The following FAM78B variants were observed in gnomAD, a reference collection of about 807,000 sequenced individuals.
FAM78B encodes the protein protein FAM78B.
FAM78B carries 10 observed loss-of-function variants against 20.0 expected under a neutral mutation model. That is an observed-to-expected ratio of 0.50 (90% CI 0.31 to 0.85). The LOEUF (loss-of-function observed/expected upper bound fraction) is 0.85, where lower values mean the gene tolerates loss of function less well. Ranked by LOEUF, FAM78B falls within the 40% of genes least tolerant of loss-of-function variation. The pLI, the probability that FAM78B is intolerant of heterozygous loss-of-function variation, is 0.05. For synonymous variants in FAM78B, 135 were observed against 132.8 expected, an observed-to-expected ratio of 1.02 and a Z score of -0.12; for missense variants, 283 against 345.0, an observed-to-expected ratio of 0.82 and a Z score of 1.42.
At chr1:166,086,073 CT>C (rs77694495) in intron 1 of FAM78B, among the ~76,000 whole-genome samples, 2,602 of 132,832 alleles carry the variant, frequency 0.02, 35 homozygotes, top group African/African-American at 0.054. Flanking sequence ...CTATGTTACT[CT>C]TTTTTTTTTT....
intron 1 of FAM78B, among the ~76,000 whole-genome samples, chr1:166,072,154 G>C (rs905404628): frequency 1.3e-5 from 2 of 152,148 alleles, no homozygotes; most frequent in African/African-American, 4.8e-5. Flanking sequence ...TGTCTTAAAG[G>C]GAATTGCATT....
chr1:166,108,834 T>C (rs1449069069), intron 1 of FAM78B, among the ~76,000 whole-genome samples: 1 of 151,978 alleles, frequency 6.6e-6, no homozygotes, highest in Non-Finnish European at 1.5e-5. Context: ...TGGAACAAAA[T>C]AGAGAACCCA....
intron 1 of FAM78B, among the ~76,000 whole-genome samples, chr1:166,110,571 C>T (rs933870103): frequency 2.0e-5 from 3 of 152,224 alleles, no homozygotes; most frequent in African/African-American, 7.2e-5. Flanking sequence ...TGCTTTCTTG[C>T]TTGCCTGTCA....
intron 1 of FAM78B, among the ~76,000 whole-genome samples, chr1:166,120,107 G>A (rs1654412799): frequency 6.6e-6 from 1 of 152,216 alleles, no homozygotes; most frequent in South Asian, 2.1e-4. Context: ...GAGAATCAAA[G>A]ATAAATAAAG....
chr1:166,133,451 G>A (rs983533500), intron 1 of FAM78B, among the ~76,000 whole-genome samples: 1 of 152,164 alleles, frequency 6.6e-6, no homozygotes, highest in Non-Finnish European at 1.5e-5. Flanking sequence ...CTGCCAGCAG[G>A]TGACAGCGAT....
Position 166,166,256 on chromosome 1 carries a change from C to G in FAM78B, c.-8G>C. 2.1e-6 allele frequency: 3 copies of G among 1,398,932 alleles called. No individual in the cohort carries two copies. The highest frequency in any genetic ancestry group is 2.8e-6 in the Non-Finnish European group (3 of 1,068,884). The allele number at this position is 1,398,932 out of a possible 1,614,324, so 86.7% of individuals were successfully genotyped here. A position where few individuals can be genotyped will look rare whatever the true frequency, so the allele number is the denominator to read the frequency against. On this transcript the variant is annotated 5_prime_UTR_variant, in exon 1 of 2. Coordinates refer to ENST00000354422, the MANE Select transcript of FAM78B (RefSeq NM_001017961.5). ...GCTTTGGATACAGCCCATCCTGCAG[C>G]CCGGTGCCGGCACGGCGCGGCGTGG...
chr1:166,106,550 T>C (rs749581797), intron 1 of FAM78B, among the ~76,000 whole-genome samples: 3 of 152,156 alleles, frequency 2.0e-5, no homozygotes, highest in Non-Finnish European at 2.9e-5. Flanking sequence ...CTGGAGGTCA[T>C]TGTCATATAG....
At chr1:166,082,360 A>C (rs1218221321) in intron 1 of FAM78B, among the ~76,000 whole-genome samples, 4 of 152,014 alleles carry the variant, frequency 2.6e-5, no homozygotes, top group African/African-American at 9.7e-5. Flanking sequence ...GTTCTTTACA[A>C]CCTGGACTCC....
chr1:166,073,513 G>C (rs370529501), intron 1 of FAM78B, among the ~76,000 whole-genome samples: 2 of 148,722 alleles, frequency 1.3e-5, no homozygotes, highest in African/African-American at 5.0e-5. Flanking sequence ...TCTATCTCTC[G>C]CTCCCTTCCT....
At chr1:166,153,493 C>A (rs925714684) in intron 1 of FAM78B, among the ~76,000 whole-genome samples, 1 of 152,326 alleles carries the variant, frequency 6.6e-6, no homozygotes, top group South Asian at 2.1e-4. Flanking sequence ...ATCAGACAGG[C>A]AGGAGCCCTG....
In FAM78B at chr1:166,154,873, C is replaced by T. The variant is rs113172461; in HGVS notation, c.263+11113G>A. On this transcript the variant is annotated intron_variant, in intron 1 of 1. Coordinates refer to ENST00000354422, the MANE Select transcript of FAM78B (RefSeq NM_001017961.5). ...CAAATGAGCTAGATGATTTCCCGCA[C>T]CATCCTAACACCCTGTAAGTTAAAA... 6.5e-3 allele frequency: 3,063 copies of T among 471,592 alleles called. 78 individuals carry two copies. Among genetic ancestry groups the T allele is most frequent in the African/African-American group, 0.055 (2,764 of 50,194 alleles). 29.2% of individuals were successfully genotyped at this position (471,592 alleles called of 1,614,324 possible).
At chr1:166,082,771 G>A (rs916285897) in intron 1 of FAM78B, 4 of 152,600 alleles carry the variant, frequency 2.6e-5, no homozygotes, top group Non-Finnish European at 5.8e-5. Context: ...GAGCTGCAGA[G>A]GGAGTAAGAT....
At chr1:166,143,230 A>G (rs984967658) in intron 1 of FAM78B, among the ~76,000 whole-genome samples, 4 of 152,154 alleles carry the variant, frequency 2.6e-5, no homozygotes, top group African/African-American at 9.7e-5. Flanking sequence ...GGCAGGGAAG[A>G]GGCCTAATTC....
intron 1 of FAM78B, among the ~76,000 whole-genome samples, chr1:166,112,679 C>A (rs1654102217): frequency 6.6e-6 from 1 of 152,214 alleles, no homozygotes; most frequent in Admixed American, 6.5e-5. Flanking sequence ...ATTATCCACA[C>A]CCCTGCTCTC....
intron 1 of FAM78B, among the ~76,000 whole-genome samples, chr1:166,127,554 T>C (rs756424141): frequency 2.1e-4 from 32 of 152,204 alleles, no homozygotes; most frequent in Admixed American, 1.3e-4. Flanking sequence ...TGCTCACAGC[T>C]CTGTTTAAAG....
Position 166,136,603 on chromosome 1 carries a change from AC to A in FAM78B, c.263+29382del, listed in dbSNP as rs769376179. On this transcript the variant is annotated intron_variant, in intron 1 of 1. Transcript: ENST00000354422. ...TAAGTAATGGCAAAAAAATAAAGGC[AC>A]CAAAGAGCAGATGAACAAGTAAATG... is the stretch of plus-strand genomic sequence containing the variant. Among the ~76,000 whole-genome samples the A allele has an allele frequency of 1.1e-4, 16 of 152,302 alleles. No individual in the cohort carries two copies. In the East Asian group the frequency reaches 1.7e-3, roughly 17 times the overall value.
At chr1:166,128,471 T>C (rs1654723808) in intron 1 of FAM78B, among the ~76,000 whole-genome samples, 1 of 152,240 alleles carries the variant, frequency 6.6e-6, no homozygotes, top group Non-Finnish European at 1.5e-5. Context: ...CTGTCCCTTA[T>C]AAAGTAGGCA....
intron 1 of FAM78B, chr1:166,086,973 ATGTC>A (rs1214126260): frequency 6.6e-6 from 1 of 152,206 alleles, no homozygotes; most frequent in East Asian, 1.9e-4. Context: ...CCCAGGTGAG[ATGTC>A]TGTCTCAGTG....
chr1:166,148,879 G>A (rs574131709), intron 1 of FAM78B, among the ~76,000 whole-genome samples: 1 of 152,226 alleles, frequency 6.6e-6, no homozygotes, highest in South Asian at 2.1e-4. Context: ...CCACCTATGA[G>A]TGAGAATATG....
Sources: allele counts gnomAD v4.1 joint callset (sites outside exome capture counted in the v4.1 genomes callset), GRCh38; gene constraint gnomAD v4.1.1; transcripts MANE v1.5; gene names NCBI Gene and HGNC (gene_info 2026-07-23, HGNC 2026-07-21).